The following PFDN1 variants were observed in gnomAD, a reference collection of about 807,000 sequenced individuals.
PFDN1 encodes prefoldin 1.
A neutral mutation model predicts 17.3 loss-of-function variants in PFDN1; 6 were observed. The ratio of observed to expected loss-of-function variants is 0.35; its 90% confidence interval spans 0.19 to 0.69. PFDN1 has a LOEUF of 0.69. Among genes scored for constraint, PFDN1 ranks in the 30% least tolerant of loss-of-function variants. The pLI is 0.65. For missense variants in PFDN1, 113 were observed against 146.2 expected, an observed-to-expected ratio of 0.77 and a Z score of 1.17; for synonymous variants, 58 against 50.1, an observed-to-expected ratio of 1.16 and a Z score of -0.67.
chr5:140,287,665 GAAGAAAA>G (rs1765518114), intron 2 of PFDN1, among the ~76,000 whole-genome samples: 1 of 151,400 alleles, frequency 6.6e-6, no homozygotes, highest in Non-Finnish European at 1.5e-5. Context: ...GCCACAGATG[GAAGAAAA>G]TATTTGCAAA....
intron 2 of PFDN1, among the ~76,000 whole-genome samples, chr5:140,299,004 G>GC (rs1171200736): frequency 1.3e-5 from 2 of 152,008 alleles, no homozygotes; most frequent in South Asian, 4.1e-4. Context: ...ACCCACCTTG[G>GC]CCTCCTGCAG....
In PFDN1 at chr5:140,260,168, G is replaced by A. The variant is rs190798244; in HGVS notation, c.286-14111C>T. Reference sequence around the variant, plus strand: ...GCCTGGGCAACATAGCAAGACCTCCGTCTCTACTAAAAATATAAAAACAAA... The same window carrying A: ...GCCTGGGCAACATAGCAAGACCTCCATCTCTACTAAAAATATAAAAACAAA... On this transcript the variant is annotated intron_variant, in intron 3 of 3. Coordinates refer to ENST00000261813, the MANE Select transcript of PFDN1 (RefSeq NM_002622.5). Among the ~76,000 whole-genome samples, 260 of 151,798 alleles carry A rather than the reference G, an allele frequency of 1.7e-3. 1 individual carries two copies. The highest frequency in any genetic ancestry group is 3.3e-3 in the Non-Finnish European group (224 of 67,930).
intron 3 of PFDN1, among the ~76,000 whole-genome samples, chr5:140,258,658 A>G (rs185463827): frequency 6.0e-4 from 91 of 152,340 alleles, no homozygotes; most frequent in African/African-American, 2.1e-3. Context: ...AACCTTCATT[A>G]GACATCAGAA....
chr5:140,264,424 C>T (rs1206760804), intron 3 of PFDN1, among the ~76,000 whole-genome samples: 1 of 152,172 alleles, frequency 6.6e-6, no homozygotes, highest in East Asian at 1.9e-4. Context: ...ATTACTATGC[C>T]AAGGCATTAT....
intron 2 of PFDN1, among the ~76,000 whole-genome samples, chr5:140,287,941 C>CG (rs1244840353): frequency 1.3e-5 from 2 of 152,284 alleles, no homozygotes; most frequent in African/African-American, 4.8e-5. Flanking sequence ...CACCATATGC[C>CG]GATGAAGCTG....
chr5:140,250,576 C>T, intron 3 of PFDN1, among the ~76,000 whole-genome samples: 1 of 152,208 alleles, frequency 6.6e-6, no homozygotes, highest in Non-Finnish European at 1.5e-5. Flanking sequence ...TCCACAAGGG[C>T]AGGACTTTGT....
chr5:140,276,366 TC>T (rs1236757602), intron 3 of PFDN1, among the ~76,000 whole-genome samples: 3 of 152,278 alleles, frequency 2.0e-5, no homozygotes, highest in African/African-American at 7.2e-5. Context: ...GAGAAGTAAT[TC>T]TATGCTAAGA....
intron 3 of PFDN1, among the ~76,000 whole-genome samples, chr5:140,266,978 T>G (rs1473691185): frequency 6.6e-6 from 1 of 152,184 alleles, no homozygotes; most frequent in African/African-American, 2.4e-5. Flanking sequence ...GCGGTGTGGG[T>G]TAAAGTTAAA....
At chr5:140,279,168 T>C (rs1765350144) in intron 3 of PFDN1, among the ~76,000 whole-genome samples, 1 of 152,188 alleles carries the variant, frequency 6.6e-6, no homozygotes. Context: ...TTGATATAAA[T>C]ATAGAAGTTT....
intron 3 of PFDN1, among the ~76,000 whole-genome samples, chr5:140,267,689 A>G (rs1765153703): frequency 6.6e-6 from 1 of 152,130 alleles, no homozygotes; most frequent in African/African-American, 2.4e-5. Context: ...TCAGTCCGAC[A>G]ACGCCCGACA....
At chr5:140,273,566 G>A (rs1292816317) in intron 3 of PFDN1, among the ~76,000 whole-genome samples, 3 of 152,066 alleles carry the variant, frequency 2.0e-5, no homozygotes, top group South Asian at 4.1e-4. Flanking sequence ...TTCTCTCGCC[G>A]CCATTCTTCC....
chr5:140,275,177 G>A (rs948255618), intron 3 of PFDN1, among the ~76,000 whole-genome samples: 3 of 152,106 alleles, frequency 2.0e-5, no homozygotes, highest in Admixed American at 2.0e-4. Flanking sequence ...GGGAGGCCAA[G>A]GCAGGCAGAT....
At chr5:140,257,293 G>C (rs1447237596) in intron 3 of PFDN1, among the ~76,000 whole-genome samples, 1 of 150,914 alleles carries the variant, frequency 6.6e-6, no homozygotes, top group Non-Finnish European at 1.5e-5. Flanking sequence ...CTTTAACCAA[G>C]GTGCTCAGGC....
chr5:140,280,014 C>CCAAAAAAAAAAAAAAAAAAAAAAAAAAAA (rs1335205089), intron 3 of PFDN1, among the ~76,000 whole-genome samples: 10 of 99,108 alleles, frequency 1.0e-4, no homozygotes, highest in African/African-American at 3.5e-4. Flanking sequence ...AAAAAAAAAA[C>CCAAAAAAAAAAAAAAAAAAAAAAAAAAAA]AAAAAAAGAA....
chr5:140,258,702 G>T (rs111282895), intron 3 of PFDN1, among the ~76,000 whole-genome samples: 145 of 152,242 alleles, frequency 9.5e-4, no homozygotes, highest in Non-Finnish European at 1.4e-3. Context: ...TGACTCCCAG[G>T]ATGCCCAGTT....
intron 3 of PFDN1, among the ~76,000 whole-genome samples, chr5:140,274,435 T>C (rs1390180493): frequency 6.6e-6 from 1 of 152,176 alleles, no homozygotes; most frequent in Admixed American, 6.6e-5. Flanking sequence ...AAAGTTATTA[T>C]CAGTATTTTT....
At chr5:140,246,179 T>TGCAA (rs1479691870) in intron 3 of PFDN1, 122 bp from the exon 4 acceptor site, 4 of 686,124 alleles carry the variant, frequency 5.8e-6, no homozygotes, top group Non-Finnish European at 8.0e-6. Flanking sequence ...AGGAGTATAC[T>TGCAA]GCAAGCCAGG....
chr5:140,247,133 GTTGT>G, intron 3 of PFDN1, among the ~76,000 whole-genome samples: 1 of 152,208 alleles, frequency 6.6e-6, no homozygotes, highest in Non-Finnish European at 1.5e-5. Context: ...CAATTAATTA[GTTGT>G]TTGTATGTTT....
At chr5:140,273,274 G>A (rs1765237203) in intron 3 of PFDN1, among the ~76,000 whole-genome samples, 1 of 151,270 alleles carries the variant, frequency 6.6e-6, no homozygotes, top group African/African-American at 2.4e-5. Flanking sequence ...GAAAAACAGA[G>A]GTAAGAATCA....
Sources: allele counts gnomAD v4.1 joint callset (sites outside exome capture counted in the v4.1 genomes callset), GRCh38; gene constraint gnomAD v4.1.1; transcripts MANE v1.5; gene names NCBI Gene and HGNC (gene_info 2026-07-23, HGNC 2026-07-21).